The following MAGEB16 variants were observed in gnomAD, a reference collection of about 807,000 sequenced individuals.
The protein encoded by MAGEB16 is MAGE family member B16, also known as melanoma-associated antigen B16.
For missense variants in MAGEB16, 217 were observed against 234.0 expected (o/e 0.93, Z 0.47); for synonymous variants, 95 against 92.1 (o/e 1.03, Z -0.18).
At chrX:35,801,289 A>T (rs1162699553) in intron 1 of MAGEB16, 1 of 112,015 alleles carries the variant, frequency 8.9e-6, no homozygotes, top group Non-Finnish European at 1.9e-5. Context: ...GTAATTGCAG[A>T]TAGGTAGTGT....
chrX:35,802,199 G>A (rs767144172), exon 2 of MAGEB16: 1 of 1,211,336 alleles, frequency 8.3e-7, no homozygotes, highest in Non-Finnish European at 1.1e-6. Context: ...GGGTCATCAT[G>A]TCTCAGGATC....
exon 2 of MAGEB16, chrX:35,803,317 G>C (rs1479807254): frequency 1.8e-6 from 1 of 551,366 alleles, no homozygotes; most frequent in African/African-American, 2.3e-5. Context: ...GTCCAGGGTG[G>C]GGCTGGAGGA....
Position 35,802,532 on chromosome X carries a change from T to C in MAGEB16, c.336T>C (p.Ala112=), listed in dbSNP as rs1263172744. The change falls in exon 2 of 2, where the codon GCT becomes GCC. Residue 112 remains alanine, a synonymous_variant. Coordinates refer to ENST00000399988, the Ensembl canonical transcript of MAGEB16. ...ACCCCAGGAATGTGCCCGCAGATGC[T>C]CTCGACCAGAAAGTGGCTTTTTTGG... The C allele has an allele frequency of 6.6e-6, 8 of 1,209,766 alleles. No individual in the cohort carries two copies. In the Admixed American group the frequency reaches 1.1e-4, roughly 17 times the overall value.
At chrX:35,802,756 G>A in exon 2 of MAGEB16, 1 of 1,211,373 alleles carries the variant, frequency 8.3e-7, no homozygotes, top group Non-Finnish European at 1.1e-6. Flanking sequence ...ATCAAACTGG[G>A]CCTCACCTAT....
chrX:35,798,445 G>C (rs1306692976), intron 1 of MAGEB16, 27 bp downstream of exon 1: 2 of 111,388 alleles, frequency 1.8e-5, no homozygotes, highest in Non-Finnish European at 3.8e-5. Flanking sequence ...GAGGGAAATA[G>C]AGCGCCCTGC....
exon 2 of MAGEB16, chrX:35,803,100 C>A: frequency 8.3e-7 from 1 of 1,208,332 alleles, no homozygotes; most frequent in South Asian, 1.8e-5. Flanking sequence ...TGGGTCTTAC[C>A]CACATTCTTT....
chrX:35,803,370 C>T, exon 2 of MAGEB16: 2 of 352,253 alleles, frequency 5.7e-6, no homozygotes, highest in East Asian at 4.2e-5. Context: ...GTATGTGTAA[C>T]TTGACAGTTT....
chrX:35,802,536 G>T (rs200508397), exon 2 of MAGEB16: 1 of 1,209,879 alleles, frequency 8.3e-7, no homozygotes, highest in East Asian at 3.0e-5. Context: ...AGATGCTCTC[G>T]ACCAGAAAGT....
exon 2 of MAGEB16, chrX:35,802,273 A>C (rs1326181236): frequency 8.3e-7 from 1 of 1,211,031 alleles, no homozygotes. Flanking sequence ...CAGAGCCTGG[A>C]GGTTGCACAG....
intron 1 of MAGEB16, chrX:35,798,830 TCTCAGGCCC>T (rs1934836804): frequency 9.0e-6 from 1 of 110,686 alleles, no homozygotes; most frequent in Non-Finnish European, 1.9e-5. Context: ...GAGGAAGGCA[TCTCAGGCCC>T]TGCAGGAGTC....
chrX:35,803,558 T>C (rs1319205838), exon 2 of MAGEB16: 1 of 141,458 alleles, frequency 7.1e-6, no homozygotes, highest in Non-Finnish European at 1.5e-5. Flanking sequence ...ACCATCTATA[T>C]TGTGTTCTGA....
chrX:35,801,154 C>T (rs1395776694), intron 1 of MAGEB16, among the ~76,000 whole-genome samples: 7 of 111,405 alleles, frequency 6.3e-5, no homozygotes, highest in Non-Finnish European at 9.4e-5. Context: ...CAAGGGAGGC[C>T]GGGGCCTGTG....
At chrX:35,802,655 G>C in exon 2 of MAGEB16, 2 of 1,211,444 alleles carry the variant, frequency 1.7e-6, no homozygotes, top group Non-Finnish European at 2.2e-6. Flanking sequence ...ACTTCTCTGA[G>C]ATCCTCCTGA....
chrX:35,802,248 A>C (rs971258407), exon 2 of MAGEB16: 1 of 1,209,284 alleles, frequency 8.3e-7, no homozygotes, highest in African/African-American at 1.8e-5. Flanking sequence ...GCACCTTCAG[A>C]CCTTCAGTGA....
At chrX:35,800,493 A>T in intron 1 of MAGEB16, 1 of 524,269 alleles carries the variant, frequency 1.9e-6, no homozygotes, top group Non-Finnish European at 3.5e-6. Context: ...CCACAGGGAG[A>T]TGAGATTTTT....
At chrX:35,802,161 C>G (rs773320610) in exon 2 of MAGEB16, 28 of 1,206,553 alleles carry the variant, frequency 2.3e-5, no homozygotes, top group Non-Finnish European at 3.0e-5. Flanking sequence ...GCCCTCCTGT[C>G]CACACTCCTG....
At chrX:35,803,749 G>C (rs1934888434), downstream of MAGEB16, 1 of 121,208 alleles carries the variant, frequency 8.3e-6, no homozygotes, top group Admixed American at 9.5e-5. Flanking sequence ...AAAATATTTG[G>C]AATAAAAAAT....
exon 2 of MAGEB16, chrX:35,803,209 C>T: frequency 5.4e-6 from 6 of 1,103,161 alleles, no homozygotes; most frequent in Non-Finnish European, 6.0e-6. Flanking sequence ...ACTGTGAGTT[C>T]CAGTGCTATG....
At chrX:35,800,420 G>A (rs1265959970) in intron 1 of MAGEB16, 13 of 504,325 alleles carry the variant, frequency 2.6e-5, no homozygotes, top group Admixed American at 1.4e-4. Context: ...AAGGGGTACC[G>A]AGAGGTTAGG....
Sources: allele counts gnomAD v4.1 joint callset (sites outside exome capture counted in the v4.1 genomes callset), GRCh38; gene constraint gnomAD v4.1.1; transcripts MANE v1.5; gene names NCBI Gene and HGNC (gene_info 2026-07-23, HGNC 2026-07-21).